The following TET3 variants were observed in gnomAD, a reference collection of about 807,000 sequenced individuals.
TET3 encodes methylcytosine dioxygenase TET3.
Under a neutral mutation model 141.4 loss-of-function variants are expected in TET3, and 19 were observed. The ratio of observed to expected loss-of-function variants is 0.13; its 90% CI spans 0.09 to 0.20. The LOEUF (loss-of-function observed/expected upper bound fraction) is 0.20, where lower values mean the gene tolerates loss of function less well. TET3 is among the 10% of genes least tolerant of loss of function. TET3 has a pLI of 1.00. For synonymous variants in TET3, 1,043 were observed against 980.9 expected, an observed-to-expected ratio of 1.06 and a Z score of -1.18; for missense variants, 1,874 against 2,356.9, an observed-to-expected ratio of 0.80 and a Z score of 4.24.
chr2:74,067,014 G>A (rs910463181), intron 4 of TET3, among the ~76,000 whole-genome samples: 2 of 152,034 alleles, frequency 1.3e-5, no homozygotes, highest in African/African-American at 4.8e-5. Context: ...TCTATTTTCT[G>A]TATACCGTGT....
chr2:74,066,658 T>C (rs908953065), intron 4 of TET3, among the ~76,000 whole-genome samples: 1 of 152,234 alleles, frequency 6.6e-6, no homozygotes. Flanking sequence ...TTGGTTTTGT[T>C]TGGCACTTGA....
intron 3 of TET3, among the ~76,000 whole-genome samples, chr2:74,019,599 G>A (rs976489913): frequency 2.6e-5 from 4 of 152,162 alleles, no homozygotes; most frequent in Admixed American, 1.3e-4. Flanking sequence ...CCTAGCATGC[G>A]GTAAATCCTT....
At chr2:74,044,263 T>A (rs1206464048) in intron 3 of TET3, among the ~76,000 whole-genome samples, 1 of 152,220 alleles carries the variant, frequency 6.6e-6, no homozygotes. Context: ...ATTTAGCTTT[T>A]TATTTTCACA....
intron 6 of TET3, among the ~76,000 whole-genome samples, chr2:74,084,419 G>T (rs1689998938): frequency 6.6e-6 from 1 of 152,030 alleles, no homozygotes; most frequent in Non-Finnish European, 1.5e-5. Flanking sequence ...CTGAGATCAG[G>T]AGTTCAAGAC....
intron 2 of TET3, among the ~76,000 whole-genome samples, chr2:73,995,234 A>G (rs1294932851): frequency 6.6e-6 from 1 of 152,256 alleles, no homozygotes; most frequent in Admixed American, 6.5e-5. Context: ...TGCTGAGATT[A>G]TAGGCGTGAG....
chr2:73,985,644 T>TG (rs146710425), intron 1 of TET3, among the ~76,000 whole-genome samples: 17,175 of 151,848 alleles, frequency 0.11, 2,378 homozygotes, highest in African/African-American at 0.32. Context: ...CTCAGCTCCC[T>TG]AGGGAGGGCC....
chr2:73,994,780 G>C (rs1684505906), intron 2 of TET3, among the ~76,000 whole-genome samples: 1 of 151,332 alleles, frequency 6.6e-6, no homozygotes, highest in Admixed American at 6.6e-5. Context: ...TGAGATTACA[G>C]GCACGTGTCA....
chr2:74,040,156 G>A (rs139113762), intron 3 of TET3, among the ~76,000 whole-genome samples: 143 of 152,310 alleles, frequency 9.4e-4, no homozygotes, highest in African/African-American at 3.4e-3. Flanking sequence ...ATGAGGAAGA[G>A]TTATGAAGTT....
At chr2:74,057,464 A>T (rs1688278507) in intron 4 of TET3, among the ~76,000 whole-genome samples, 1 of 152,256 alleles carries the variant, frequency 6.6e-6, no homozygotes, top group Non-Finnish European at 1.5e-5. Flanking sequence ...CTCTACAAGC[A>T]TCCAGTTATC....
intron 8 of TET3, among the ~76,000 whole-genome samples, chr2:74,092,024 C>G (rs967147902): frequency 4.6e-5 from 7 of 152,210 alleles, no homozygotes; most frequent in African/African-American, 1.7e-4. Flanking sequence ...AGAATTCAGG[C>G]CGGGCATTGT....
At position 74,100,472 on chromosome 2, in the gene TET3, C is replaced by T. The variant is rs1000525898; in HGVS notation, c.3684C>T (p.Ser1228=). 1.4e-5 allele frequency: 23 copies of T among 1,593,072 alleles called. No individual in the cohort carries two copies. Among genetic ancestry groups the T allele is most frequent in the Non-Finnish European group, 1.9e-5 (22 of 1,169,974 alleles). The change falls in exon 12 of 12, where the codon TCC becomes TCT. Residue 1228 remains serine, a synonymous_variant. Coordinates refer to ENST00000409262, the MANE Select transcript of TET3 (RefSeq NM_001287491.2). ...TGGAGCCGCAGAACCACTTCAGCTC[C>T]TTCAAGTACAGCGGCAACGCGGTGG... ...LKVEPQNHFS[S]FKYSGNAVVE... is the part of the protein sequence containing the mutation.
intron 4 of TET3, among the ~76,000 whole-genome samples, chr2:74,063,497 A>G (rs1688707928): frequency 6.6e-6 from 1 of 152,160 alleles, no homozygotes; most frequent in African/African-American, 2.4e-5. Context: ...AATTCTGTCC[A>G]TCCTTTTTTT....
At position 74,101,531 on chromosome 2, in the gene TET3, C is replaced by T; in HGVS notation, c.4743C>T (p.Ser1581=). Residue 1581 remains serine (S), a synonymous_variant, in exon 12 of 12, where the codon TCC becomes TCT. Transcript: ENST00000409262. The surrounding 1 kb of genome is among the most constrained non-coding windows in gnomAD (Gnocchi z 8.5). ...GASQLDRAWQ[S]FGLPLGSSEK... ...GCCAGCTGGACAGGGCCTGGCAGTC[C>T]TTTGGTCTGCCCCTGGGATCCAGCG... The T allele has an allele frequency of 1.2e-6, 2 of 1,610,938 alleles. No individual in the cohort carries two copies. Among genetic ancestry groups the T allele is most frequent in the Non-Finnish European group, 1.7e-6 (2 of 1,178,572 alleles).
At chr2:74,095,369 T>C (rs1489935264) in intron 10 of TET3, among the ~76,000 whole-genome samples, 2 of 152,148 alleles carry the variant, frequency 1.3e-5, no homozygotes, top group Non-Finnish European at 2.9e-5. Context: ...CCCTGGAAGG[T>C]GGGCGAGAGC....
chr2:74,084,560 C>G (rs1230783919), intron 6 of TET3, among the ~76,000 whole-genome samples: 4 of 152,002 alleles, frequency 2.6e-5, no homozygotes, highest in Admixed American at 6.5e-5. Flanking sequence ...TCACGCCATT[C>G]TCCTGCCTCA....
rs1409823161 is a variant in TET3 at position 74,093,071 on chromosome 2, A to AGTG, written c.3129+82_3129+84dup. ...AGGCTCTGAAGGTGGGAAGTGGGAG[A>AGTG]GTGGGCTCTTTTACTCTCTTATGGG... On this transcript the variant is annotated intron_variant, in intron 9 of 11. Coordinates refer to ENST00000409262, the MANE Select transcript of TET3 (RefSeq NM_001287491.2). This position sits in a 1 kb window ranked among gnomAD's most constrained non-coding sequence, Gnocchi z 4.2. The AGTG allele has an allele frequency of 2.0e-5, 26 of 1,314,174 alleles. No homozygotes were observed. The highest frequency in any genetic ancestry group is 2.6e-5 in the Non-Finnish European group (24 of 934,436). The allele number at this position is 1,314,174 out of a possible 1,614,324, so 81.4% of individuals were successfully genotyped here.
downstream of TET3, among the ~76,000 whole-genome samples, chr2:74,108,821 C>T (rs1691636199): frequency 6.6e-6 from 1 of 152,196 alleles, no homozygotes; most frequent in African/African-American, 2.4e-5. Context: ...GAGGGACAAC[C>T]AGCCCAGCTG....
In TET3 at chr2:74,101,680, C is replaced by T. The variant is rs761824851; in HGVS notation, c.4892C>T (p.Ala1631Val). ...AAGGAGGAGAAGGGCGGTGGTGGTG[C>T]GGAGGAGGAAGAGGAGGAGCTGTGG... ...AVKEEKGGGG[A>V]EEEEEELWSD... Residue 1631 changes from alanine (A) to valine (V), a missense_variant, in exon 12 of 12, where the codon GCG (alanine) becomes GTG (valine). Physicochemically the swap from Ala to Val is moderately conservative, Grantham distance 64 (BLOSUM62 0). This residue lies in a region of TET3 where 602 missense variants were observed against 590.2 expected (regional missense o/e 1.02). Transcript: ENST00000409262. The surrounding 1 kb of genome is among the most constrained non-coding windows in gnomAD (Gnocchi z 8.5). The T allele has an allele frequency of 1.4e-5, 23 of 1,613,446 alleles. No individual in the cohort carries two copies. Among genetic ancestry groups the T allele is most frequent in the South Asian group, 2.2e-5 (2 of 91,086 alleles).
At chr2:74,035,189 G>A (rs1335064542) in intron 3 of TET3, among the ~76,000 whole-genome samples, 3,513 of 92,898 alleles carry the variant, frequency 0.038, no homozygotes, top group Middle Eastern at 0.21. Context: ...GCAACAGAGT[G>A]AGACTCCGTC....
Sources: gnomAD v4.1 joint callset for allele counts (sites outside exome capture counted in the v4.1 genomes callset) on GRCh38, gnomAD v4.1.1 for gene constraint, gnomAD v4.1.1 regional missense constraint, Gnocchi (gnomAD v3.1) non-coding constraint, MANE v1.5 for transcripts, NCBI Gene and HGNC (gene_info 2026-07-23, HGNC 2026-07-21) for gene names.